Variants in PEAK3 observed in about 807,000 individuals in gnomAD.
PEAK3 encodes the protein PEAK family member 3.
PEAK3 carries 15 observed loss-of-function variants against 13.3 expected under a neutral mutation model. That is an observed-to-expected ratio of 1.13 (90% CI 0.75 to 1.73). The LOEUF (loss-of-function observed/expected upper bound fraction) is 1.73. Ranked by LOEUF, PEAK3 falls within the 40% of genes most tolerant of loss-of-function variation. PEAK3 has a pLI of 0.00. For missense variants in PEAK3, 739 were observed against 690.2 expected, an observed-to-expected ratio of 1.07 and a Z score of -0.79; for synonymous variants, 347 against 341.9, an observed-to-expected ratio of 1.01 and a Z score of -0.17.
Position 2,278,812 on chromosome 19 carries a change from C to G in PEAK3, c.384G>C (p.Leu128=). 6.3e-7 allele frequency: 1 copy of G among 1,588,832 alleles called. No individual in the cohort carries two copies. ...DAPLGLSLRD[L]HSPEAVHTAL... is the part of the protein sequence containing the mutation. Reference sequence around the variant, plus strand: ...CAGTGTGCACAGCCTCCGGGCTGTGCAGATCGCGGAGGGAGAGGCCCAGTG... The same window carrying G: ...CAGTGTGCACAGCCTCCGGGCTGTGGAGATCGCGGAGGGAGAGGCCCAGTG... The change falls in exon 3 of 4, where the codon CTG becomes CTC. Residue 128 remains leucine, a synonymous_variant. Transcript: ENST00000342063.
rs1163983177 is a variant in PEAK3, at chr19:2,275,871, C to A, written c.1231G>T (p.Ala411Ser). Residue 411 changes from alanine (A) to serine (S), a missense_variant, in exon 4 of 4, where the codon GCA becomes TCA. Physicochemically the swap from Ala to Ser is moderately conservative, Grantham distance 99. Coordinates refer to ENST00000342063, the MANE Select transcript of PEAK3 (RefSeq NM_198532.3). Reference protein sequence around the residue: ...GPGPELRGRGAPLGPWLRALG... With the variant: ...GPGPELRGRGSPLGPWLRALG... ...GCTCGGAGCCAGGGACCAAGCGGTG[C>A]TCCGCGGCCGCGCAGCTCAGGCCCG... 2 of 1,452,274 alleles carry A rather than the reference C, an allele frequency of 1.4e-6. No homozygotes were observed. Among genetic ancestry groups the A allele is most frequent in the South Asian group, 1.4e-5 (1 of 73,678 alleles). The allele number at this position is 1,452,274 out of a possible 1,614,324, so 90.0% of individuals were successfully genotyped here. A position where few individuals can be genotyped will look rare whatever the true frequency, so the allele number is the denominator to read the frequency against.
At position 2,276,361 on chromosome 19, in the gene PEAK3, C is replaced by G; in HGVS notation, c.741G>C (p.Trp247Cys). ...VPEGTLPGAP[W>C]RGAVALAAEV... ...CGGCTGCCAGCGCCACTGCGCCTCT[C>G]CAGGGCGCCCCGGGCAGTGTGCCTT... Residue 247 changes from tryptophan (W) to cysteine (C), a missense_variant, in exon 4 of 4, where the codon TGG becomes TGC. Transcript: ENST00000342063. 1.3e-6 allele frequency: 2 copies of G among 1,599,692 alleles called. No individual in the cohort carries two copies. Among genetic ancestry groups the G allele is most frequent in the Non-Finnish European group, 1.7e-6 (2 of 1,178,816 alleles).
At chr19:2,280,090 T>A (rs1467724326) in intron 2 of PEAK3, among the ~76,000 whole-genome samples, 3 of 109,160 alleles carry the variant, frequency 2.7e-5, no homozygotes, top group Non-Finnish European at 5.1e-5. Flanking sequence ...TGAGATGGAG[T>A]CTCCCTCTGT....
intron 2 of PEAK3, among the ~76,000 whole-genome samples, chr19:2,279,512 C>A (rs965171018): frequency 6.6e-6 from 1 of 151,800 alleles, no homozygotes; most frequent in African/African-American, 2.4e-5. Flanking sequence ...AAAAATTAGC[C>A]GGGCTTGGTG....
At position 2,276,054 on chromosome 19, in the gene PEAK3, G is replaced by T; in HGVS notation, c.1048C>A (p.Pro350Thr). Residue 350 changes from proline to threonine, a missense_variant, in exon 4 of 4, where the codon CCG becomes ACG. Pro to Thr is a conservative substitution (Grantham distance 38). Transcript: ENST00000342063. ...GPPGSPGPHA[P>T]QLGSLLRALL... Reference sequence around the variant, plus strand: ...GCTCGGAGGAGGCTGCCCAGCTGCGGCGCGTGGGGGCCCGGGGATCCCGGG... The same window carrying T: ...GCTCGGAGGAGGCTGCCCAGCTGCGTCGCGTGGGGGCCCGGGGATCCCGGG... 6.9e-7 allele frequency: 1 copy of T among 1,447,348 alleles called. No homozygotes were observed. The allele number at this position is 1,447,348 out of a possible 1,614,324, so 89.7% of individuals were successfully genotyped here. A position where few individuals can be genotyped will look rare whatever the true frequency, so the allele number is the denominator to read the frequency against.
At chr19:2,278,009 G>A (rs1052436905) in intron 3 of PEAK3, among the ~76,000 whole-genome samples, 2 of 151,570 alleles carry the variant, frequency 1.3e-5, no homozygotes, top group Admixed American at 6.6e-5. Context: ...GACTACAGGT[G>A]CCCACCACCA....
At position 2,282,079 on chromosome 19, in the gene PEAK3, C is replaced by A. The variant is rs1367576235; in HGVS notation, c.-5+8G>T. On this transcript the variant is annotated splice_region_variant and intron_variant, in intron 1 of 3. Coordinates refer to ENST00000342063, the MANE Select transcript of PEAK3 (RefSeq NM_198532.3). ...TCTGTCCAGCTCCCCGCTCCAGGAG[C>A]CCCCTACCTTCAAGACTGGCGTGCC... is the stretch of plus-strand genomic sequence containing the variant. The A allele has an allele frequency of 6.5e-6, 1 of 152,696 alleles. No individual in the cohort carries two copies. Among genetic ancestry groups the A allele is most frequent in the African/African-American group, 2.4e-5 (1 of 41,454 alleles). 9.5% of individuals were successfully genotyped at this position (152,696 alleles called of 1,614,324 possible). A position where few individuals can be genotyped will look rare whatever the true frequency, so the allele number is the denominator to read the frequency against.
At chr19:2,276,942 G>T (rs573256319) in intron 3 of PEAK3, among the ~76,000 whole-genome samples, 2 of 152,240 alleles carry the variant, frequency 1.3e-5, no homozygotes, top group East Asian at 3.9e-4. Context: ...AGCCCGGGAG[G>T]TGGAGGTTGC....
In PEAK3 at chr19:2,276,396, G is replaced by A. The variant is rs756913666; in HGVS notation, c.706C>T (p.Leu236=). ...PHFNLQGLCG[L]VPEGTLPGAP... ...CCGGGCAGTGTGCCTTCAGGCACCA[G>A]GCCACACAGCCCCTGCAGATTGAAG... The change falls in exon 4 of 4, where the codon CTG becomes TTG. Residue 236 remains leucine, a synonymous_variant. Coordinates refer to ENST00000342063, the MANE Select transcript of PEAK3 (RefSeq NM_198532.3). 3.7e-6 allele frequency: 6 copies of A among 1,600,006 alleles called. No individual in the cohort carries two copies. The highest frequency in any genetic ancestry group is 5.1e-6 in the Non-Finnish European group (6 of 1,178,668).
At chr19:2,279,897 C>G (rs2025424535) in intron 2 of PEAK3, among the ~76,000 whole-genome samples, 2 of 149,146 alleles carry the variant, frequency 1.3e-5, no homozygotes. Flanking sequence ...CTACAGGTGC[C>G]CGCCCGCCAC....
At chr19:2,280,121 G>A (rs920053385) in intron 2 of PEAK3, among the ~76,000 whole-genome samples, 3 of 142,854 alleles carry the variant, frequency 2.1e-5, no homozygotes, top group Non-Finnish European at 4.5e-5. Flanking sequence ...GGAGTGCGGT[G>A]GCTCAGTCTT....
chr19:2,275,504 C>G lies in PEAK3; in HGVS notation c.*176G>C, dbSNP rs1463211518. 3.7e-6 allele frequency: 2 copies of G among 536,396 alleles called. No individual in the cohort carries two copies. Among genetic ancestry groups the G allele is most frequent in the Admixed American group, 8.8e-5 (2 of 22,642 alleles). 33.2% of individuals were successfully genotyped at this position (536,396 alleles called of 1,614,324 possible). ...GGGGCAGCTGCATTCCTGGGAAGCC[C>G]TTGACCCACATCCCCAGCACGGGAG... On this transcript the variant is annotated 3_prime_UTR_variant, in exon 4 of 4. Coordinates refer to ENST00000342063, the MANE Select transcript of PEAK3 (RefSeq NM_198532.3).
At chr19:2,280,053 CTTTTTTTTTTTTTT>C (rs34177687) in intron 2 of PEAK3, among the ~76,000 whole-genome samples, 4 of 36,846 alleles carry the variant, frequency 1.1e-4, no homozygotes, top group South Asian at 1.3e-3. Flanking sequence ...TGCACCTGGC[CTTTTTTTTTTTTTT>C]TTTTTTTTTT....
At chr19:2,276,522 C>A (rs1158618865) in intron 3 of PEAK3, 33 bp from the exon 4 acceptor site, 2 of 1,447,596 alleles carry the variant, frequency 1.4e-6, no homozygotes, top group Non-Finnish European at 9.1e-7. Flanking sequence ...GGGCCTGGAT[C>A]ACTGGGCCCC....
At position 2,275,562 on chromosome 19, in the gene PEAK3, G is replaced by T; in HGVS notation, c.*118C>A. ...TCTGGAGTGGGGCATTGCTCTCTCT[G>T]CTGCGCTCCTGGACTCTGCAGGAAG... On this transcript the variant is annotated 3_prime_UTR_variant, in exon 4 of 4. Transcript: ENST00000342063. The T allele has an allele frequency of 1.1e-6, 1 of 950,464 alleles. No homozygotes were observed. The highest frequency in any genetic ancestry group is 1.4e-6 in the Non-Finnish European group (1 of 714,008). The allele number at this position is 950,464 out of a possible 1,614,324, so 58.9% of individuals were successfully genotyped here. A position where few individuals can be genotyped will look rare whatever the true frequency, so the allele number is the denominator to read the frequency against.
chr19:2,277,155 G>A (rs1040255265), intron 3 of PEAK3, among the ~76,000 whole-genome samples: 2 of 152,146 alleles, frequency 1.3e-5, no homozygotes, highest in Non-Finnish European at 2.9e-5. Context: ...GTTGATTCAC[G>A]TGTTAGTTGC....
rs1426299127 is a variant in PEAK3 at position 2,274,792 on chromosome 19, G to A, written c.*888C>T. 2 of 151,074 alleles carry A rather than the reference G, an allele frequency of 1.3e-5. No homozygotes were observed. Among genetic ancestry groups the A allele is most frequent in the Non-Finnish European group, 2.9e-5 (2 of 67,810 alleles). The allele number at this position is 151,074 out of a possible 1,614,324, so 9.4% of individuals were successfully genotyped here. A position where few individuals can be genotyped will look rare whatever the true frequency, so the allele number is the denominator to read the frequency against. On this transcript the variant is annotated 3_prime_UTR_variant, in exon 4 of 4. Transcript: ENST00000342063. ...TGGAGACCATCCTGGCTAACACGGA[G>A]AAACCCCGTCTCTACTAAAAATACA...
intron 1 of PEAK3, 53 bp from the exon 2 acceptor site, chr19:2,280,988 G>A (rs2025434349): frequency 8.2e-7 from 1 of 1,219,252 alleles, no homozygotes; most frequent in African/African-American, 1.6e-5. Context: ...CACGCACAGG[G>A]CGACATGGGG....
intron 2 of PEAK3, among the ~76,000 whole-genome samples, chr19:2,279,903 G>A (rs1382430839): frequency 3.4e-5 from 5 of 149,092 alleles, no homozygotes; most frequent in African/African-American, 9.9e-5. Context: ...GTGCCCGCCC[G>A]CCACTATGCC....
Sources: gnomAD v4.1 joint callset for allele counts (sites outside exome capture counted in the v4.1 genomes callset) on GRCh38, gnomAD v4.1.1 for gene constraint, MANE v1.5 for transcripts, NCBI Gene and HGNC (gene_info 2026-07-23, HGNC 2026-07-21) for gene names.